Variants in ITSN1 observed in about 807,000 individuals in gnomAD.
ITSN1 encodes intersectin 1, also known as intersectin-1.
ITSN1 carries 58 observed loss-of-function variants against 239.8 expected under a neutral mutation model. The ratio of observed to expected loss-of-function variants is 0.24; its 90% CI spans 0.20 to 0.30. ITSN1 has a LOEUF of 0.30. ITSN1 is among the 10% of genes least tolerant of loss of function. The pLI is 1.00. For synonymous variants in ITSN1, 780 were observed against 770.8 expected, an observed-to-expected ratio of 1.01 and a Z score of -0.20; for missense variants, 1,558 against 2,103.3, an observed-to-expected ratio of 0.74 and a Z score of 5.07.
intron 1 of ITSN1, among the ~76,000 whole-genome samples, chr21:33,651,224 C>T (rs1201485487): frequency 6.6e-6 from 1 of 152,226 alleles, no homozygotes; most frequent in Non-Finnish European, 1.5e-5. Flanking sequence ...GAGAGAGGCC[C>T]ACTTGGGACT....
At chr21:33,766,080 A>C in intron 10 of ITSN1, 68 bp downstream of exon 10, 1 of 1,534,822 alleles carries the variant, frequency 6.5e-7, no homozygotes, top group Non-Finnish European at 9.0e-7. Context: ...GGCTTTATTG[A>C]CTATGTGTCT....
intron 1 of ITSN1, among the ~76,000 whole-genome samples, chr21:33,671,270 A>AT (rs1012505774): frequency 1.3e-5 from 2 of 151,590 alleles, no homozygotes; most frequent in African/African-American, 2.4e-5. Context: ...TCTTGGCTGT[A>AT]TTTTTTTTCT....
intron 17 of ITSN1, among the ~76,000 whole-genome samples, chr21:33,796,263 G>A (rs1330841100): frequency 6.6e-6 from 1 of 152,060 alleles, no homozygotes; most frequent in Non-Finnish European, 1.5e-5. Context: ...GAGCCACCGC[G>A]CCTGGCCACT....
intron 31 of ITSN1, among the ~76,000 whole-genome samples, chr21:33,864,343 C>G (rs1332344564): frequency 6.6e-6 from 1 of 152,172 alleles, no homozygotes; most frequent in Non-Finnish European, 1.5e-5. Flanking sequence ...CCTTGCTGTC[C>G]TTACCGTGTA....
intron 20 of ITSN1, among the ~76,000 whole-genome samples, chr21:33,808,156 C>T (rs181723498): frequency 2.0e-3 from 293 of 150,084 alleles, no homozygotes; most frequent in African/African-American, 6.7e-3. Flanking sequence ...CACTGCAGTC[C>T]GCAGTCCCAC....
At chr21:33,702,093 ATTTTTTTTTTT>A (rs1162454097) in intron 1 of ITSN1, among the ~76,000 whole-genome samples, 2 of 148,630 alleles carry the variant, frequency 1.3e-5, no homozygotes, top group Non-Finnish European at 1.5e-5. Context: ...AAACAAAAAA[ATTTTTTTTTTT>A]TTTTTTTTTT....
rs543080551 is a variant in ITSN1, at chr21:33,774,537, C to T, written c.1306-192C>T. ...TATTATGTAAATATAATACCCAGTT[C>T]TGTGTATTCCCTTTATTCCCATAGA... is the stretch of plus-strand genomic sequence containing the variant. On this transcript the variant is annotated intron_variant, in intron 12 of 39. Transcript: ENST00000381318. 9 of 538,838 alleles carry T rather than the reference C, an allele frequency of 1.7e-5. No homozygotes were observed. The East Asian group carries it at 2.4e-4, about 14-fold the overall frequency. 33.4% of individuals were successfully genotyped at this position (538,838 alleles called of 1,614,324 possible). A position where few individuals can be genotyped will look rare whatever the true frequency, so the allele number is the denominator to read the frequency against.
intron 38 of ITSN1, 75 bp from the exon 39 acceptor site, chr21:33,886,212 A>T (rs1985776699): frequency 2.0e-5 from 9 of 451,256 alleles, no homozygotes; most frequent in South Asian, 6.1e-5. Context: ...AATCCATCTA[A>T]AAAAAAAAAA....
chr21:33,766,917 C>T (rs1372805596), intron 10 of ITSN1, among the ~76,000 whole-genome samples: 1 of 152,188 alleles, frequency 6.6e-6, no homozygotes, highest in Non-Finnish European at 1.5e-5. Flanking sequence ...CCTGTAATCC[C>T]AGCACGTTGG....
chr21:33,886,975 T>G (rs1985896568), intron 39 of ITSN1, among the ~76,000 whole-genome samples: 1 of 152,078 alleles, frequency 6.6e-6, no homozygotes, highest in Admixed American at 6.6e-5. Context: ...TGGAAAAGAA[T>G]AGTCTCAGCC....
At chr21:33,668,296 C>T (rs934030990) in intron 1 of ITSN1, among the ~76,000 whole-genome samples, 4 of 152,110 alleles carry the variant, frequency 2.6e-5, no homozygotes, top group African/African-American at 7.2e-5. Flanking sequence ...ATTATTGAAA[C>T]GCAATTTGTC....
At chr21:33,867,097 T>C (rs1981741176) in intron 32 of ITSN1, 136 bp from the exon 33 acceptor site, 1 of 628,130 alleles carries the variant, frequency 1.6e-6, no homozygotes, top group Non-Finnish European at 2.9e-6. Flanking sequence ...GTCAGGCCCT[T>C]CCAACCCCAG....
At chr21:33,682,940 G>A (rs2091048815) in intron 1 of ITSN1, among the ~76,000 whole-genome samples, 1 of 152,210 alleles carries the variant, frequency 6.6e-6, no homozygotes, top group Non-Finnish European at 1.5e-5. Flanking sequence ...TGTAAAGGTC[G>A]TAGATGAAAT....
intron 1 of ITSN1, among the ~76,000 whole-genome samples, chr21:33,701,782 G>A (rs1206602518): frequency 2.6e-5 from 4 of 151,422 alleles, no homozygotes; most frequent in Middle Eastern, 6.8e-3. Context: ...GTAACAGAGC[G>A]AGACTCCATC....
chr21:33,701,719 C>G (rs1218687646), intron 1 of ITSN1, among the ~76,000 whole-genome samples: 1 of 151,090 alleles, frequency 6.6e-6, no homozygotes, highest in Non-Finnish European at 1.5e-5. Flanking sequence ...CACTTGAACC[C>G]AGGAGGCGGA....
intron 5 of ITSN1, chr21:33,735,489 T>A: frequency 2.6e-6 from 1 of 380,834 alleles, no homozygotes; most frequent in South Asian, 3.0e-5. Context: ...GGGTTTTTTT[T>A]TTTTTTTCTC....
chr21:33,867,784 G>A (rs1187750584), intron 33 of ITSN1, among the ~76,000 whole-genome samples: 4 of 152,058 alleles, frequency 2.6e-5, no homozygotes, highest in Non-Finnish European at 2.9e-5. Context: ...TCCTTCTGAT[G>A]TTCAGATGTG....
chr21:33,763,927 A>G (rs2068543132), intron 9 of ITSN1, among the ~76,000 whole-genome samples: 2 of 152,250 alleles, frequency 1.3e-5, no homozygotes, highest in South Asian at 2.1e-4. Context: ...ACAAATGATC[A>G]AGCTCTAATG....
intron 5 of ITSN1, among the ~76,000 whole-genome samples, chr21:33,742,058 CTTTT>C (rs758936755): frequency 2.2e-5 from 3 of 138,896 alleles, no homozygotes; most frequent in Non-Finnish European, 3.1e-5. Context: ...TTTTTAAAAT[CTTTT>C]TTTTTTTTTT....
Sources: allele counts gnomAD v4.1 joint callset (sites outside exome capture counted in the v4.1 genomes callset), GRCh38; gene constraint gnomAD v4.1.1; transcripts MANE v1.5; gene names NCBI Gene and HGNC (gene_info 2026-07-23, HGNC 2026-07-21).